The following PKHD1L1 variants were observed in gnomAD, a reference collection of about 807,000 sequenced individuals.
PKHD1L1 encodes fibrocystin-L.
PKHD1L1 carries 434 observed loss-of-function variants against 462.9 expected under a neutral mutation model. That is an observed-to-expected ratio of 0.94 (90% CI 0.87 to 1.02). The LOEUF is 1.02. PKHD1L1 is among the 50% of genes least tolerant of loss of function. PKHD1L1 has a pLI of 0.00. For missense variants in PKHD1L1, 5,202 were observed against 5,096.1 expected, an observed-to-expected ratio of 1.02 and a Z score of -0.63; for synonymous variants, 1,781 against 1,750.0, an observed-to-expected ratio of 1.02 and a Z score of -0.44.
chr8:109,477,424 C>T (rs181570500), intron 53 of PKHD1L1, 28 bp downstream of exon 53: 2 of 1,560,844 alleles, frequency 1.3e-6, no homozygotes, highest in Non-Finnish European at 1.8e-6. Flanking sequence ...AGTTGATACC[C>T]TTCAATATCT....
At chr8:109,483,973 A>G (rs1035036802) in intron 57 of PKHD1L1, among the ~76,000 whole-genome samples, 1 of 151,820 alleles carries the variant, frequency 6.6e-6, no homozygotes, top group Non-Finnish European at 1.5e-5. Context: ...GCCAAGAAAA[A>G]TTAGAGAAAT....
chr8:109,449,568 C>G lies in PKHD1L1; in HGVS notation c.6175+81C>G, dbSNP rs184505929. The G allele has an allele frequency of 2.0e-4, 242 of 1,227,768 alleles. 1 individual carries two copies. The African/African-American group carries it at 3.1e-3, about 16-fold the overall frequency. 76.1% of individuals were successfully genotyped at this position (1,227,768 alleles called of 1,614,324 possible). On this transcript the variant is annotated intron_variant, in intron 40 of 77. Transcript: ENST00000378402. Reference sequence around the variant, plus strand: ...ATCAGTTAATTTCTTTTTTCAAGTTCTTGGATTCCTTGGAGTAATTAAATC... The same window carrying G: ...ATCAGTTAATTTCTTTTTTCAAGTTGTTGGATTCCTTGGAGTAATTAAATC...
rs1819130518 is a variant in PKHD1L1 at position 109,497,105 on chromosome 8, T to C, written c.10476+38T>C. 1.9e-6 allele frequency: 3 copies of C among 1,612,778 alleles called. No individual in the cohort carries two copies. The African/African-American group carries it at 4.0e-5, about 22-fold the overall frequency. On this transcript the variant is annotated intron_variant, in intron 64 of 77. Transcript: ENST00000378402. ...AAAGATGGTGATTGTTTATTTTCTT[T>C]TATGATTGTCCTTAGTATTATGTAA...
At chr8:109,414,661 C>A (rs533381962) in intron 21 of PKHD1L1, among the ~76,000 whole-genome samples, 8 of 151,964 alleles carry the variant, frequency 5.3e-5, no homozygotes, top group Non-Finnish European at 1.2e-4. Context: ...TTCTTCCCAT[C>A]GTAGAATAGA....
chr8:109,500,520 C>CAAAAAAAAA (rs542817713), intron 67 of PKHD1L1, among the ~76,000 whole-genome samples: 3 of 43,678 alleles, frequency 6.9e-5, no homozygotes, highest in Non-Finnish European at 1.0e-4. Flanking sequence ...ACTAAAAATA[C>CAAAAAAAAA]AAAAAAAAAA....
chr8:109,483,372 CTG>C (rs980824617), intron 57 of PKHD1L1, among the ~76,000 whole-genome samples: 4 of 149,200 alleles, frequency 2.7e-5, no homozygotes, highest in South Asian at 2.1e-4. Flanking sequence ...TATTTTATGA[CTG>C]TATATTATGT....
In PKHD1L1 at chr8:109,381,471, G is replaced by A. The variant is rs746619853; in HGVS notation, c.265G>A (p.Glu89Lys). ...SSFQSITCDVEKDASHSTQIT... is the reference protein window; with the variant it reads ...SSFQSITCDVKKDASHSTQIT... ...TTTCCAGTCAATTACTTGTGATGTA[G>A]AAAAAGATGCAAGTCATTCAACTCA... Residue 89 changes from glutamate (E) to lysine (K), a missense_variant, in exon 3 of 78, where the codon GAA becomes AAA. This residue lies in a region of PKHD1L1 where 4,497 missense variants were observed against 4,336.8 expected (regional missense o/e 1.04). Transcript: ENST00000378402. 1.9e-6 allele frequency: 3 copies of A among 1,584,150 alleles called. No homozygotes were observed. The highest frequency in any genetic ancestry group is 2.3e-5 in the South Asian group (2 of 87,176).
In PKHD1L1 at chr8:109,476,678, T is replaced by A. The variant is rs1244409980; in HGVS notation, c.8917+11T>A. Reference sequence around the variant, plus strand: ...CTCTATATTACTTGGGTATGTGTCATTAGGCAGAAATGATAGTTTATCTAA... The same window carrying A: ...CTCTATATTACTTGGGTATGTGTCAATAGGCAGAAATGATAGTTTATCTAA... On this transcript the variant is annotated intron_variant, in intron 52 of 77. Coordinates refer to ENST00000378402, the MANE Select transcript of PKHD1L1 (RefSeq NM_177531.6). The A allele has an allele frequency of 1.3e-6, 2 of 1,576,030 alleles. No individual in the cohort carries two copies. The highest frequency in any genetic ancestry group is 1.7e-6 in the Non-Finnish European group (2 of 1,163,340).
intron 1 of PKHD1L1, 104 bp downstream of exon 1, chr8:109,362,757 G>A: frequency 1.6e-6 from 2 of 1,276,190 alleles, no homozygotes; most frequent in Non-Finnish European, 2.2e-6. Context: ...GCACCTGGCT[G>A]AGGCTGTGGG....
rs1821149498 is a variant in PKHD1L1 at position 109,536,506 on chromosome 8, T to TA, written c.*6417dup. ...TACTGTTAGAAATAACAAAAGGTCT[T>TA]AGACTGCCAGATGCTGTTCCCATCA... On this transcript the variant is annotated 3_prime_UTR_variant, in exon 78 of 78. Transcript: ENST00000378402. Among the ~76,000 whole-genome samples the TA allele has an allele frequency of 1.3e-5, 2 of 152,226 alleles. No homozygotes were observed. Among genetic ancestry groups the TA allele is most frequent in the Non-Finnish European group, 2.9e-5 (2 of 68,040 alleles).
At chr8:109,421,501 G>C (rs1814461755) in intron 23 of PKHD1L1, among the ~76,000 whole-genome samples, 1 of 152,058 alleles carries the variant, frequency 6.6e-6, no homozygotes, top group African/African-American at 2.4e-5. Flanking sequence ...TATAATAACT[G>C]GCCGGGCGCG....
At chr8:109,378,142 C>T (rs1811931427) in intron 2 of PKHD1L1, among the ~76,000 whole-genome samples, 1 of 152,108 alleles carries the variant, frequency 6.6e-6, no homozygotes, top group Admixed American at 6.5e-5. Flanking sequence ...AATTAAACTC[C>T]AAAAAATGTT....
At chr8:109,513,017 G>C (rs1820077262) in intron 71 of PKHD1L1, among the ~76,000 whole-genome samples, 1 of 151,786 alleles carries the variant, frequency 6.6e-6, no homozygotes, top group African/African-American at 2.4e-5. Flanking sequence ...TGGTGTATAA[G>C]AATGCTTGTG....
chr8:109,465,678 G>A (rs1817401656), intron 49 of PKHD1L1, among the ~76,000 whole-genome samples: 2 of 152,060 alleles, frequency 1.3e-5, no homozygotes, highest in African/African-American at 4.8e-5. Flanking sequence ...ATTTACAAAA[G>A]CAATATAGAC....
intron 21 of PKHD1L1, among the ~76,000 whole-genome samples, chr8:109,418,523 G>A (rs985122807): frequency 1.3e-5 from 2 of 152,166 alleles, no homozygotes; most frequent in African/African-American, 4.8e-5. Context: ...TAATTTATGG[G>A]ATTCCAATGC....
At chr8:109,376,449 G>A (rs537638874) in intron 2 of PKHD1L1, among the ~76,000 whole-genome samples, 21 of 152,182 alleles carry the variant, frequency 1.4e-4, no homozygotes, top group South Asian at 6.2e-4. Context: ...TGTGCTTCCC[G>A]GGTGAGGTGA....
intron 13 of PKHD1L1, 135 bp downstream of exon 13, chr8:109,400,479 C>G (rs914463862): frequency 6.8e-5 from 72 of 1,066,040 alleles, no homozygotes; most frequent in Non-Finnish European, 9.3e-5. Flanking sequence ...TGGCTCTTGG[C>G]TATTATCCTG....
chr8:109,450,932 G>T (rs757918864), intron 40 of PKHD1L1, 43 bp from the exon 41 acceptor site: 5 of 1,535,906 alleles, frequency 3.3e-6, no homozygotes, highest in Non-Finnish European at 2.6e-6. Context: ...ATGAATCAGG[G>T]CCCGATGGCA....
At chr8:109,440,929 T>G in intron 33 of PKHD1L1, 77 bp downstream of exon 33, 1 of 1,466,866 alleles carries the variant, frequency 6.8e-7, no homozygotes, top group South Asian at 1.4e-5. Flanking sequence ...TGAGTTATTA[T>G]ATGAATATTC....
Sources: gnomAD v4.1 joint callset for allele counts (sites outside exome capture counted in the v4.1 genomes callset) on GRCh38, gnomAD v4.1.1 for gene constraint, gnomAD v4.1.1 regional missense constraint, MANE v1.5 for transcripts, NCBI Gene and HGNC (gene_info 2026-07-23, HGNC 2026-07-21) for gene names.